CFAP74: variants seen among roughly 807,000 people sequenced by gnomAD.
The protein encoded by CFAP74 is cilia and flagella associated protein 74.
In CFAP74, 124 loss-of-function variants were observed where a neutral mutation model predicts 188.9. The observed-to-expected ratio is 0.66, with a 90% confidence interval of 0.57 to 0.76. CFAP74 has a LOEUF of 0.76. CFAP74 is among the 30% of genes least tolerant of loss of function. CFAP74 has a pLI of 0.00. For missense variants in CFAP74, 2,198 were observed against 2,165.2 expected (o/e 1.02, Z -0.30); for synonymous variants, 956 against 916.7 (o/e 1.04, Z -0.77).
At chr1:1,995,015 G>A (rs1000123498) in intron 1 of CFAP74, among the ~76,000 whole-genome samples, 3 of 152,116 alleles carry the variant, frequency 2.0e-5, no homozygotes, top group African/African-American at 7.2e-5. Flanking sequence ...AGCTGTGAAA[G>A]GTTCAGGACT....
chr1:1,963,488 G>A (rs1388990823), intron 14 of CFAP74, among the ~76,000 whole-genome samples: 2 of 135,982 alleles, frequency 1.5e-5, no homozygotes, highest in African/African-American at 5.5e-5. Context: ...AAAAAAGGCA[G>A]CAAAACAAAA....
rs144446668 is a variant in CFAP74, at chr1:1,979,683, C to T, written c.501-5485G>A. Among the ~76,000 whole-genome samples, 289 of 117,844 alleles carry T rather than the reference C, an allele frequency of 2.5e-3. 37 individuals carry two copies. Among genetic ancestry groups the T allele is most frequent in the Non-Finnish European group, 4.2e-3 (227 of 54,004 alleles). 77.3% of individuals were successfully genotyped at this position (117,844 alleles called of 152,430 possible). A position where few individuals can be genotyped will look rare whatever the true frequency, so the allele number is the denominator to read the frequency against. On this transcript the variant is annotated intron_variant, in intron 6 of 38. Transcript: ENST00000682832. ...CTGAGCTGGGCGTGGGAAGGTGTCGCGTGACGAGGCTGCGCAGAACACGCA... is the reference window on the plus strand; with the variant it reads ...CTGAGCTGGGCGTGGGAAGGTGTCGTGTGACGAGGCTGCGCAGAACACGCA...
intron 14 of CFAP74, among the ~76,000 whole-genome samples, chr1:1,962,700 C>T (rs1413225969): frequency 6.6e-6 from 1 of 151,976 alleles, no homozygotes; most frequent in Non-Finnish European, 1.5e-5. Flanking sequence ...GCCTGGGAAA[C>T]ACAGTGAAAC....
chr1:1,939,357 G>C (rs1425921769), intron 24 of CFAP74, among the ~76,000 whole-genome samples: 1 of 152,238 alleles, frequency 6.6e-6, no homozygotes, highest in Non-Finnish European at 1.5e-5. Context: ...TCAGAAGAAA[G>C]AGCGGGGAGA....
chr1:1,925,379 G>C (rs755050124), intron 33 of CFAP74, among the ~76,000 whole-genome samples: 6 of 152,174 alleles, frequency 3.9e-5, no homozygotes, highest in Admixed American at 1.3e-4. Context: ...CGAGGCATGA[G>C]AGCACGCAGG....
intron 6 of CFAP74, among the ~76,000 whole-genome samples, chr1:1,981,654 A>G (rs1570970443): frequency 1.2e-5 from 1 of 84,412 alleles, no homozygotes; most frequent in Middle Eastern, 0.012. Context: ...AGCCGCGGAC[A>G]GACACAGGGG....
In CFAP74 at chr1:1,975,152, G is replaced by A. The variant is rs1656358751; in HGVS notation, c.501-954C>T. 6.6e-6 allele frequency among the ~76,000 whole-genome samples: 1 copy of A among 152,166 alleles called. No homozygotes were observed. Among genetic ancestry groups the A allele is most frequent in the Non-Finnish European group, 1.5e-5 (1 of 68,036 alleles). On this transcript the variant is annotated intron_variant, in intron 6 of 38. Coordinates refer to ENST00000682832, the MANE Select transcript of CFAP74 (RefSeq NM_001304360.2). The surrounding 1 kb of genome is among the most constrained non-coding windows in gnomAD (Gnocchi z 4.5). ...CCGCGATCATGTTCATTTCCACTTC[G>A]TCTTTCGTTAAAAGCTTTTCCTGTG...
intron 2 of CFAP74, 138 bp downstream of exon 2, chr1:1,990,752 C>T (rs993982497): frequency 8.7e-6 from 5 of 574,702 alleles, no homozygotes; most frequent in Non-Finnish European, 1.5e-5. Context: ...ATAATATAAG[C>T]TCCCTCTTTG....
In CFAP74 at chr1:1,964,928, C is replaced by G; in HGVS notation, c.1535G>C (p.Gly512Ala). The stretch of plus-strand genomic sequence containing the variant: ...CTCCGGTTTGCTGTTGAAGGGGCGT[C>G]CTTGGAACTCACGCCCCCACACCAC... Reference protein sequence around the residue: ...KQVVWGREFQGRPFNSKPELL... With the variant: ...KQVVWGREFQARPFNSKPELL... The change falls in exon 13 of 39, where the codon GGA (glycine) becomes GCA (alanine). Residue 512 changes from glycine (G) to alanine (A), a missense_variant. By Grantham distance (60) the Gly-to-Ala change is moderately conservative. Coordinates refer to ENST00000682832, the MANE Select transcript of CFAP74 (RefSeq NM_001304360.2). 6.2e-7 allele frequency: 1 copy of G among 1,613,928 alleles called. No homozygotes were observed. Among genetic ancestry groups the G allele is most frequent in the South Asian group, 1.1e-5 (1 of 91,084 alleles).
chr1:1,955,819 A>T lies in CFAP74; in HGVS notation c.2048T>A (p.Leu683Ter). 6.2e-7 allele frequency: 1 copy of T among 1,613,934 alleles called. No homozygotes were observed. Among genetic ancestry groups the T allele is most frequent in the Non-Finnish European group, 8.5e-7 (1 of 1,180,018 alleles). Residue 683 changes from leucine (L) to a stop codon, truncating the protein, a stop_gained, in exon 18 of 39, where the codon TTG (leucine) becomes TAG (stop). Transcript: ENST00000682832. LOFTEE classifies it high-confidence loss of function. The part of the protein sequence containing the change: ...SSLLTYEDKS[L>*]YDKAATSFSE... ...GAAGCTGGTGGCGGCTTTGTCATAC[A>T]AGCTTTTATCTTCGTAGGTCAGGAG... is the stretch of plus-strand genomic sequence containing the variant.
At chr1:1,938,829 G>A (rs747353679) in intron 25 of CFAP74, 26 bp downstream of exon 25, 1 of 1,534,496 alleles carries the variant, frequency 6.5e-7, no homozygotes, top group African/African-American at 1.4e-5. Context: ...CAGGCCCCCT[G>A]CGTCCCCTCT....
chr1:1,932,258 G>A (rs1458034241), intron 25 of CFAP74, among the ~76,000 whole-genome samples: 3 of 151,366 alleles, frequency 2.0e-5, no homozygotes, highest in East Asian at 2.0e-4. Flanking sequence ...TTAGCCAGGC[G>A]TGGTGGTGGG....
rs74046262 is a variant in CFAP74 at position 1,975,365 on chromosome 1, G to A, written c.501-1167C>T. ...GGATTTCTAACGTTGAGCCTTTTTCGGGGCTCCTAGGATATAAACTCCAAC... is the reference window on the plus strand; with the variant it reads ...GGATTTCTAACGTTGAGCCTTTTTCAGGGCTCCTAGGATATAAACTCCAAC... On this transcript the variant is annotated intron_variant, in intron 6 of 38. Coordinates refer to ENST00000682832, the MANE Select transcript of CFAP74 (RefSeq NM_001304360.2). This position sits in a 1 kb window ranked among gnomAD's most constrained non-coding sequence, Gnocchi z 4.5. Among the ~76,000 whole-genome samples the A allele has an allele frequency of 2.3e-3, 353 of 152,068 alleles. No individual in the cohort carries two copies. The highest frequency in any genetic ancestry group is 0.015 in the East Asian group (78 of 5,168).
intron 2 of CFAP74, among the ~76,000 whole-genome samples, chr1:1,989,551 C>T (rs937463739): frequency 1.3e-5 from 2 of 152,198 alleles, no homozygotes; most frequent in African/African-American, 4.8e-5. Context: ...ACCTTCGCCT[C>T]CCAGGTTCAA....
In CFAP74 at chr1:1,964,849, C is replaced by G. The variant is rs779837599; in HGVS notation, c.1575+39G>C. ...GGCAGGGCTCCCCTGCTGTCCTGTG[C>G]TGCTGCCCGTCCCGTTCCTGGCCCA... is the stretch of plus-strand genomic sequence containing the variant. On this transcript the variant is annotated intron_variant, in intron 13 of 38. Transcript: ENST00000682832. 6.2e-6 allele frequency: 10 copies of G among 1,611,240 alleles called. No homozygotes were observed. In the South Asian group the frequency reaches 7.7e-5, roughly 12 times the overall value.
At chr1:1,939,233 G>A (rs1339706856) in intron 24 of CFAP74, among the ~76,000 whole-genome samples, 1 of 152,248 alleles carries the variant, frequency 6.6e-6, no homozygotes, top group African/African-American at 2.4e-5. Context: ...TGTGCTGGGG[G>A]GAGAGAGAGG....
chr1:1,976,491 A>G (rs1237798732), intron 6 of CFAP74, among the ~76,000 whole-genome samples: 1 of 152,086 alleles, frequency 6.6e-6, no homozygotes, highest in Non-Finnish European at 1.5e-5. Context: ...AGCAGATGCC[A>G]TCACGTTCCC....
Position 1,966,350 on chromosome 1 carries a change from TA to T in CFAP74, c.1401+20del. 1.3e-6 allele frequency: 2 copies of T among 1,487,052 alleles called. No individual in the cohort carries two copies. Among genetic ancestry groups the T allele is most frequent in the South Asian group, 1.3e-5 (1 of 75,722 alleles). 92.1% of individuals were successfully genotyped at this position (1,487,052 alleles called of 1,614,324 possible). ...GGGCCGGGGTCCGTCTGCAAGCGTC[TA>T]AAGGAGCAGGAGCTGATACCTGGTA... On this transcript the variant is annotated intron_variant, in intron 12 of 38. Coordinates refer to ENST00000682832, the MANE Select transcript of CFAP74 (RefSeq NM_001304360.2).
intron 18 of CFAP74, among the ~76,000 whole-genome samples, chr1:1,950,492 G>A (rs112398928): frequency 4.7e-4 from 72 of 151,988 alleles, no homozygotes; most frequent in Non-Finnish European, 7.8e-4. Flanking sequence ...GGTGTCTGCC[G>A]CCATGCCCAG....
Sources: allele counts gnomAD v4.1 joint callset (sites outside exome capture counted in the v4.1 genomes callset), GRCh38; gene constraint gnomAD v4.1.1; non-coding constraint Gnocchi (gnomAD v3.1); transcripts MANE v1.5; gene names NCBI Gene and HGNC (gene_info 2026-07-23, HGNC 2026-07-21).